UGT8: variants seen among roughly 807,000 people sequenced by gnomAD.
UGT8 encodes the protein 2-hydroxyacylsphingosine 1-beta-galactosyltransferase.
UGT8 carries 12 observed loss-of-function variants against 40.5 expected under a neutral mutation model. The ratio of observed to expected loss-of-function variants is 0.30; its 90% confidence interval spans 0.19 to 0.48. UGT8 has a LOEUF of 0.48. UGT8 is among the 20% of genes least tolerant of loss of function. The pLI, the probability that UGT8 is intolerant of heterozygous loss-of-function variation, is 0.99. For synonymous variants in UGT8, 224 were observed against 240.4 expected (o/e 0.93, Z 0.63); for missense variants, 513 against 648.7 (o/e 0.79, Z 2.27).
chr4:114,676,365 T>A lies in UGT8; in HGVS notation c.*77T>A. ...TGCTATTATTTAGTCTAACAGCTAC[T>A]AAAAGTAAAACATCAGTAAACAATT... On this transcript the variant is annotated 3_prime_UTR_variant, in exon 6 of 6. Coordinates refer to ENST00000310836, the MANE Select transcript of UGT8 (RefSeq NM_001128174.3). 1 of 1,253,488 alleles carries A rather than the reference T, an allele frequency of 8.0e-7. No individual in the cohort carries two copies. Among genetic ancestry groups the A allele is most frequent in the Non-Finnish European group, 1.1e-6 (1 of 907,036 alleles). The allele number at this position is 1,253,488 out of a possible 1,614,324, so 77.6% of individuals were successfully genotyped here. A position where few individuals can be genotyped will look rare whatever the true frequency, so the allele number is the denominator to read the frequency against.
At position 114,668,070 on chromosome 4, in the gene UGT8, T is replaced by C; in HGVS notation, c.1043-15T>C. 3.7e-6 allele frequency: 6 copies of C among 1,610,772 alleles called. No individual in the cohort carries two copies. The highest frequency in any genetic ancestry group is 5.1e-6 in the Non-Finnish European group (6 of 1,178,578). Reference sequence around the variant, plus strand: ...AATAATGTTGTAAGTTGTTTTCTTTTTCATCTTTCTTCAGGGCATTCAAAG... The same window carrying C: ...AATAATGTTGTAAGTTGTTTTCTTTCTCATCTTTCTTCAGGGCATTCAAAG... On this transcript the variant is annotated splice_polypyrimidine_tract_variant and intron_variant, in intron 4 of 5. Coordinates refer to ENST00000310836, the MANE Select transcript of UGT8 (RefSeq NM_001128174.3).
chr4:114,612,956 A>G (rs1248511410), intron 1 of UGT8, among the ~76,000 whole-genome samples: 6 of 152,154 alleles, frequency 3.9e-5, no homozygotes, highest in African/African-American at 1.4e-4. Context: ...TTATGAACCA[A>G]AGATATCAAT....
rs1245141924 is a variant in UGT8 at position 114,619,405 on chromosome 4, T to C, written c.-2-3474T>C. 3.3e-5 allele frequency: 5 copies of C among 152,088 alleles called. No homozygotes were observed. The East Asian group carries it at 9.6e-4, about 29-fold the overall frequency. The allele number at this position is 152,088 out of a possible 1,614,324, so 9.4% of individuals were successfully genotyped here. On this transcript the variant is annotated intron_variant, in intron 1 of 5. Coordinates refer to ENST00000310836, the MANE Select transcript of UGT8 (RefSeq NM_001128174.3). ...TTCATCATATGTTACTTTAAAATAA[T>C]ATTTATTTTTATTTCAGTGAGAGTA... is the stretch of plus-strand genomic sequence containing the variant.
At chr4:114,629,912 G>A (rs1177384769) in intron 2 of UGT8, among the ~76,000 whole-genome samples, 1 of 152,068 alleles carries the variant, frequency 6.6e-6, no homozygotes, top group Non-Finnish European at 1.5e-5. Context: ...GTTCATTTAG[G>A]TATTAAGTCA....
chr4:114,646,575 C>A (rs904089253), intron 2 of UGT8, among the ~76,000 whole-genome samples: 3 of 152,060 alleles, frequency 2.0e-5, no homozygotes, highest in African/African-American at 7.2e-5. Context: ...TTAAGCCCTG[C>A]AGAAAGACAC....
At chr4:114,670,306 C>T (rs1047769443) in intron 5 of UGT8, among the ~76,000 whole-genome samples, 4 of 151,790 alleles carry the variant, frequency 2.6e-5, no homozygotes, top group Non-Finnish European at 4.4e-5. Context: ...TGATGGGCAC[C>T]TGTAGTCCCA....
chr4:114,669,762 G>T (rs1353984385), intron 5 of UGT8, among the ~76,000 whole-genome samples: 1 of 152,140 alleles, frequency 6.6e-6, no homozygotes, highest in Non-Finnish European at 1.5e-5. Flanking sequence ...ATTCCCAAAA[G>T]TATGCACATC....
At chr4:114,624,507 G>A (rs1732062215) in intron 2 of UGT8, among the ~76,000 whole-genome samples, 1 of 152,156 alleles carries the variant, frequency 6.6e-6, no homozygotes, top group Admixed American at 6.5e-5. Context: ...TTACTAGGAA[G>A]TGTAGGGCTT....
chr4:114,676,453 A>G lies in UGT8; in HGVS notation c.*165A>G, dbSNP rs371889174. ...TGGAATTAAGATGGCTGTAAAAAGC[A>G]CAAACCTAAAATGCAGAAATGTATT... is the stretch of plus-strand genomic sequence containing the variant. On this transcript the variant is annotated 3_prime_UTR_variant, in exon 6 of 6. Transcript: ENST00000310836. 10 of 607,326 alleles carry G rather than the reference A, an allele frequency of 1.6e-5. No individual in the cohort carries two copies. In the South Asian group the frequency reaches 2.2e-4, roughly 13 times the overall value. The allele number at this position is 607,326 out of a possible 1,614,324, so 37.6% of individuals were successfully genotyped here.
Position 114,676,502 on chromosome 4 carries a change from G to T in UGT8, c.*214G>T. On this transcript the variant is annotated 3_prime_UTR_variant, in exon 6 of 6. Transcript: ENST00000310836. ...TTTTATTCAAATACTGATGTAGAGAGTTTTGGCACTGAACCTTTTAGAAGC... is the reference window on the plus strand; with the variant it reads ...TTTTATTCAAATACTGATGTAGAGATTTTTGGCACTGAACCTTTTAGAAGC... 1 of 457,620 alleles carries T rather than the reference G, an allele frequency of 2.2e-6. No homozygotes were observed. The highest frequency in any genetic ancestry group is 3.8e-6 in the Non-Finnish European group (1 of 261,938). The allele number at this position is 457,620 out of a possible 1,614,324, so 28.3% of individuals were successfully genotyped here. A position where few individuals can be genotyped will look rare whatever the true frequency, so the allele number is the denominator to read the frequency against.
chr4:114,617,274 C>T (rs1415369224), intron 1 of UGT8, among the ~76,000 whole-genome samples: 1 of 152,092 alleles, frequency 6.6e-6, no homozygotes, highest in East Asian at 1.9e-4. Context: ...AACAGACAAA[C>T]CCTTCCTTTG....
At chr4:114,609,496 C>G (rs1211912489) in intron 1 of UGT8, among the ~76,000 whole-genome samples, 1 of 152,082 alleles carries the variant, frequency 6.6e-6, no homozygotes, top group Non-Finnish European at 1.5e-5. Context: ...GAAACAAGGT[C>G]CTCTGGCTGT....
At chr4:114,669,240 T>A (rs1343227665) in intron 5 of UGT8, among the ~76,000 whole-genome samples, 1 of 152,154 alleles carries the variant, frequency 6.6e-6, no homozygotes, top group Non-Finnish European at 1.5e-5. Flanking sequence ...TCTGGACTCT[T>A]AAAGGATCCA....
At chr4:114,668,354 AT>A in intron 5 of UGT8, 50 bp downstream of exon 5, 2 of 1,457,812 alleles carry the variant, frequency 1.4e-6, no homozygotes, top group Non-Finnish European at 1.9e-6. Flanking sequence ...ACCACAGTAT[AT>A]TGTCAGTAGC....
chr4:114,614,345 C>A (rs559266127), intron 1 of UGT8, among the ~76,000 whole-genome samples: 1 of 152,222 alleles, frequency 6.6e-6, no homozygotes, highest in African/African-American at 2.4e-5. Flanking sequence ...ATGGTCTCTT[C>A]CTTTCATATT....
intron 2 of UGT8, among the ~76,000 whole-genome samples, chr4:114,635,653 A>T (rs1377638597): frequency 6.6e-6 from 1 of 152,170 alleles, no homozygotes; most frequent in Non-Finnish European, 1.5e-5. Flanking sequence ...AGCTTTTGCA[A>T]ATTTATTTTG....
intron 2 of UGT8, among the ~76,000 whole-genome samples, chr4:114,658,006 T>C (rs1734291223): frequency 6.6e-6 from 1 of 152,192 alleles, no homozygotes; most frequent in Admixed American, 6.5e-5. Flanking sequence ...TTTTGAATGG[T>C]GACCTTTATA....
At chr4:114,618,912 A>G (rs904735337) in intron 1 of UGT8, among the ~76,000 whole-genome samples, 5 of 152,156 alleles carry the variant, frequency 3.3e-5, no homozygotes, top group Admixed American at 6.5e-5. Flanking sequence ...GTCATCTATT[A>G]GGCTTATATT....
rs188443836 is a variant in UGT8, at chr4:114,670,063, T to C, written c.1262+1759T>C. Among the ~76,000 whole-genome samples, 600 of 152,294 alleles carry C rather than the reference T, an allele frequency of 3.9e-3. 7 individuals carry two copies. The highest frequency in any genetic ancestry group is 5.3e-3 in the Non-Finnish European group (358 of 68,028). On this transcript the variant is annotated intron_variant, in intron 5 of 5. Transcript: ENST00000310836. ...AATACTGTAAAAGAAGTATTCCTTTTATGAAGCCAGCATTATCCTGATACT... is the reference window on the plus strand; with the variant it reads ...AATACTGTAAAAGAAGTATTCCTTTCATGAAGCCAGCATTATCCTGATACT...
Sources: allele counts gnomAD v4.1 joint callset (sites outside exome capture counted in the v4.1 genomes callset), GRCh38; gene constraint gnomAD v4.1.1; transcripts MANE v1.5; gene names NCBI Gene and HGNC (gene_info 2026-07-23, HGNC 2026-07-21).